FGF14: variants seen among roughly 807,000 people sequenced by gnomAD.
FGF14 encodes the protein fibroblast growth factor homologous factor 4.
Under a neutral mutation model 25.5 loss-of-function variants are expected in FGF14, and 5 were observed. That is an observed-to-expected ratio of 0.20 (90% CI 0.10 to 0.41). The LOEUF (loss-of-function observed/expected upper bound fraction) is 0.41. Ranked by LOEUF, FGF14 falls within the 10% of genes least tolerant of loss-of-function variation. The probability of loss-of-function intolerance (pLI) is 1.00; values close to 1 mark genes in which losing one functional copy is unlikely to be tolerated. For missense variants in FGF14, 222 were observed against 320.1 expected, an observed-to-expected ratio of 0.69 and a Z score of 2.34; for synonymous variants, 138 against 118.3, an observed-to-expected ratio of 1.17 and a Z score of -1.08.
At position 102,040,933 on chromosome 13, in the gene FGF14, T is replaced by TA. The variant is rs1037866194; in HGVS notation, c.209-165638dup. Among the ~76,000 whole-genome samples the TA allele has an allele frequency of 2.6e-5, 4 of 152,178 alleles. No homozygotes were observed. In the South Asian group the frequency reaches 6.2e-4, roughly 24 times the overall value. The stretch of plus-strand genomic sequence containing the variant: ...CTACCATATTTCTTATTCTTGGTAG[T>TA]AAAAAATCGCTTACCTAATCACAGA... On this transcript the variant is annotated intron_variant, in intron 1 of 4. Coordinates refer to the FGF14 transcript ENST00000376131.
At chr13:102,364,221 A>G (rs2057646180) in intron 1 of FGF14, among the ~76,000 whole-genome samples, 1 of 152,384 alleles carries the variant, frequency 6.6e-6, no homozygotes, top group African/African-American at 2.4e-5. Context: ...CTTAGTGAAC[A>G]CTCAAATGAT....
chr13:102,310,247 G>A (rs766112576), intron 1 of FGF14, among the ~76,000 whole-genome samples: 89 of 152,158 alleles, frequency 5.8e-4, no homozygotes, highest in Non-Finnish European at 1.1e-3. Flanking sequence ...GCCCTCTTTG[G>A]TCTTGGTTAA....
intron 1 of FGF14, among the ~76,000 whole-genome samples, chr13:102,009,544 G>T (rs1000116428): frequency 1.3e-5 from 2 of 151,928 alleles, no homozygotes; most frequent in African/African-American, 4.8e-5. Flanking sequence ...CAAAATATAT[G>T]TTCTTCTGAA....
At chr13:101,855,801 C>T (rs1373630885) in intron 3 of FGF14, among the ~76,000 whole-genome samples, 2 of 151,716 alleles carry the variant, frequency 1.3e-5, no homozygotes, top group Admixed American at 6.6e-5. Flanking sequence ...TTTAAACAAC[C>T]GCATATTGCT....
At chr13:102,235,737 T>C (rs1203461274) in intron 1 of FGF14, among the ~76,000 whole-genome samples, 1 of 152,156 alleles carries the variant, frequency 6.6e-6, no homozygotes, top group African/African-American at 2.4e-5. Flanking sequence ...CTTTAAAACT[T>C]TGGGATTGTC....
intron 3 of FGF14, among the ~76,000 whole-genome samples, chr13:101,791,777 G>T (rs886120596): frequency 8.2e-6 from 1 of 122,674 alleles, no homozygotes; most frequent in Non-Finnish European, 2.0e-5. Context: ...AACCCACAGT[G>T]TAAAAATGTG....
At chr13:101,950,450 T>G (rs189971689) in intron 1 of FGF14, among the ~76,000 whole-genome samples, 2 of 152,336 alleles carry the variant, frequency 1.3e-5, no homozygotes, top group Admixed American at 1.3e-4. Flanking sequence ...AAGTCCTTAG[T>G]GATAGAAAGC....
rs16959691 is a variant in FGF14 at position 102,085,954 on chromosome 13, T to C, written c.209-210658A>G. 6.4e-3 allele frequency among the ~76,000 whole-genome samples: 975 copies of C among 152,326 alleles called. 17 individuals are homozygous for C. Among genetic ancestry groups the C allele is most frequent in the African/African-American group, 0.022 (917 of 41,562 alleles). On this transcript the variant is annotated intron_variant, in intron 1 of 4. Coordinates refer to the FGF14 transcript ENST00000376131. ...GTCTTGAAAACCAAGCCTCTGATAT[T>C]TTCTTAGCTGTATTAAATTGTAGCT...
intron 1 of FGF14, among the ~76,000 whole-genome samples, chr13:102,254,846 G>T (rs567451742): frequency 1.4e-4 from 21 of 152,314 alleles, no homozygotes; most frequent in Non-Finnish European, 2.5e-4. Flanking sequence ...AAGTCCTGGA[G>T]ACCTGGAGAA....
intron 1 of FGF14, among the ~76,000 whole-genome samples, chr13:101,884,062 CAAAAAAAA>C (rs11315735): frequency 2.6e-4 from 10 of 37,832 alleles, no homozygotes; most frequent in African/African-American, 5.4e-4. Flanking sequence ...GACTCCATCT[CAAAAAAAA>C]AAAAAAAAAA....
chr13:101,946,819 A>T (rs9557761), intron 1 of FGF14, among the ~76,000 whole-genome samples: 2 of 152,094 alleles, frequency 1.3e-5, no homozygotes, highest in African/African-American at 4.8e-5. Flanking sequence ...GATAAATTCA[A>T]TGGAGGCTTG....
chr13:102,080,866 A>C (rs76823492), intron 1 of FGF14, among the ~76,000 whole-genome samples: 1,649 of 152,236 alleles, frequency 0.011, 25 homozygotes, highest in African/African-American at 0.037. Flanking sequence ...CTAACATTTG[A>C]CTCTCAGCAG....
At chr13:102,270,803 G>C (rs991153585) in intron 1 of FGF14, among the ~76,000 whole-genome samples, 10 of 152,128 alleles carry the variant, frequency 6.6e-5, no homozygotes, top group African/African-American at 2.2e-4. Context: ...ATTCATGATA[G>C]AGTAAATATA....
Position 102,353,855 on chromosome 13 carries a change from G to A in FGF14, c.208+47616C>T, listed in dbSNP as rs75566457. Among the ~76,000 whole-genome samples the A allele has an allele frequency of 1.7e-3, 260 of 152,212 alleles. 1 individual carries two copies. The highest frequency in any genetic ancestry group is 5.3e-3 in the African/African-American group (219 of 41,520). ...CACTTCAACCATCAGGCTCTTCTAAGTTCATTTTGATAGCTATGGGAAGCC... is the reference window on the plus strand; with the variant it reads ...CACTTCAACCATCAGGCTCTTCTAAATTCATTTTGATAGCTATGGGAAGCC... On this transcript the variant is annotated intron_variant, in intron 1 of 4. Coordinates refer to the FGF14 transcript ENST00000376131.
intron 1 of FGF14, among the ~76,000 whole-genome samples, chr13:102,096,371 C>T (rs2044400223): frequency 6.6e-6 from 1 of 151,816 alleles, no homozygotes; most frequent in Non-Finnish European, 1.5e-5. Context: ...CCTGGTATGC[C>T]AAGGACAGTC....
intron 3 of FGF14, among the ~76,000 whole-genome samples, chr13:101,812,990 C>T (rs764498451): frequency 8.5e-5 from 13 of 152,062 alleles, no homozygotes; most frequent in Non-Finnish European, 1.6e-4. Context: ...AATATAATTG[C>T]TTTCCTTAGC....
chr13:102,213,219 A>G (rs2050231447), intron 1 of FGF14, among the ~76,000 whole-genome samples: 1 of 152,224 alleles, frequency 6.6e-6, no homozygotes, highest in Non-Finnish European at 1.5e-5. Flanking sequence ...ACCTTTTAGA[A>G]ACAGAATAAA....
chr13:102,049,280 A>G (rs2042118148), intron 1 of FGF14, among the ~76,000 whole-genome samples: 1 of 152,226 alleles, frequency 6.6e-6, no homozygotes, highest in East Asian at 1.9e-4. Context: ...CTGAGTTTTA[A>G]CCAGTCAATA....
Position 101,970,170 on chromosome 13 carries a change from C to T in FGF14, c.209-94874G>A, listed in dbSNP as rs979256341. 4.6e-5 allele frequency among the ~76,000 whole-genome samples: 7 copies of T among 152,146 alleles called. No individual in the cohort carries two copies. The South Asian group carries it at 8.3e-4, about 18-fold the overall frequency. ...AGGCTCAGAGAGGCTGAATATTTTT[C>T]GGTTCTTTACAGAGACAATACACAG... is the stretch of plus-strand genomic sequence containing the variant. On this transcript the variant is annotated intron_variant, in intron 1 of 4. Coordinates refer to the FGF14 transcript ENST00000376131.
Sources: allele counts gnomAD v4.1 joint callset (sites outside exome capture counted in the v4.1 genomes callset), GRCh38; gene constraint gnomAD v4.1.1; transcripts MANE v1.5; gene names NCBI Gene and HGNC (gene_info 2026-07-23, HGNC 2026-07-21).